The following RIPOR3 variants were observed in gnomAD, a reference collection of about 807,000 sequenced individuals.
RIPOR3 encodes the protein family with sequence similarity 65 member C.
A neutral mutation model predicts 114.3 loss-of-function variants in RIPOR3; 95 were observed. The ratio of observed to expected loss-of-function variants is 0.83; its 90% CI spans 0.70 to 0.99. The LOEUF (loss-of-function observed/expected upper bound fraction) is 0.99. Ranked by LOEUF, RIPOR3 falls within the 50% of genes least tolerant of loss-of-function variation. The probability of loss-of-function intolerance (pLI) is 0.00; values close to 1 mark genes in which losing one functional copy is unlikely to be tolerated. For synonymous variants in RIPOR3, 575 were observed against 543.8 expected, an observed-to-expected ratio of 1.06 and a Z score of -0.80; for missense variants, 1,252 against 1,266.9, an observed-to-expected ratio of 0.99 and a Z score of 0.18.
chr20:50,662,822 C>T (rs1476874218), intron 1 of RIPOR3, among the ~76,000 whole-genome samples: 1 of 152,240 alleles, frequency 6.6e-6, no homozygotes, highest in African/African-American at 2.4e-5. Context: ...AGGACGGACA[C>T]AGTGGCTCAC....
intron 1 of RIPOR3, among the ~76,000 whole-genome samples, chr20:50,672,262 C>A (rs6063544): frequency 0.82 from 124,833 of 152,072 alleles, 51,993 homozygotes; most frequent in East Asian, 0.96. Flanking sequence ...ACCCGCAGCC[C>A]GTTCCTCCTG....
At chr20:50,605,659 T>C (rs936633642) in intron 11 of RIPOR3, among the ~76,000 whole-genome samples, 10 of 151,592 alleles carry the variant, frequency 6.6e-5, no homozygotes, top group Non-Finnish European at 1.3e-4. Flanking sequence ...ACACTTGTAG[T>C]CCCAGCTACT....
At chr20:50,604,622 C>T in intron 12 of RIPOR3, 23 bp downstream of exon 12, 1 of 1,597,276 alleles carries the variant, frequency 6.3e-7, no homozygotes. Context: ...CACAGCGGCC[C>T]TGCCCCGGGA....
chr20:50,614,282 C>T (rs992966980), intron 4 of RIPOR3, among the ~76,000 whole-genome samples: 2 of 152,286 alleles, frequency 1.3e-5, no homozygotes, highest in Middle Eastern at 6.8e-3. Flanking sequence ...GTGATCCACC[C>T]GCCTTGGCCT....
chr20:50,616,453 A>G (rs2084176059), intron 3 of RIPOR3, among the ~76,000 whole-genome samples: 1 of 152,004 alleles, frequency 6.6e-6, no homozygotes, highest in African/African-American at 2.4e-5. Context: ...AATGATTCTT[A>G]TATCTCAGCC....
chr20:50,668,718 G>A (rs187991580), intron 1 of RIPOR3, among the ~76,000 whole-genome samples: 34 of 152,262 alleles, frequency 2.2e-4, no homozygotes, highest in African/African-American at 7.7e-4. Flanking sequence ...TTAGCTGGGC[G>A]TGGTGGCGGG....
Position 50,592,563 on chromosome 20 carries a change from A to G in RIPOR3, c.2375-17T>C, listed in dbSNP as rs1191463428. The G allele has an allele frequency of 5.4e-6, 8 of 1,482,350 alleles. No homozygotes were observed. The highest frequency in any genetic ancestry group is 7.2e-6 in the Non-Finnish European group (8 of 1,115,734). The allele number at this position is 1,482,350 out of a possible 1,614,324, so 91.8% of individuals were successfully genotyped here. A position where few individuals can be genotyped will look rare whatever the true frequency, so the allele number is the denominator to read the frequency against. On this transcript the variant is annotated splice_polypyrimidine_tract_variant and intron_variant, in intron 18 of 21. Coordinates refer to ENST00000327979, the MANE Select transcript of RIPOR3 (RefSeq NM_001290268.2). Reference sequence around the variant, plus strand: ...TGAGTGTCACTAGAAGACAGGAAAGAGGTGGGCCCAGGTCCCCTGAATGGG... The same window carrying G: ...TGAGTGTCACTAGAAGACAGGAAAGGGGTGGGCCCAGGTCCCCTGAATGGG...
chr20:50,608,451 C>A lies in RIPOR3; in HGVS notation c.894G>T (p.Gln298His). ...ACTCCGTGATGTCCACCACGATGAC[C>A]TGCGGCCGCGTCGTGAAGAAGTCGG... is the stretch of plus-strand genomic sequence containing the variant. ...DIADFFTTRP[Q>H]VIVVDITELG... Residue 298 changes from glutamine (Q) to histidine (H), a missense_variant, in exon 11 of 22, where the codon CAG becomes CAT. Gln to His is a conservative substitution (Grantham distance 24, BLOSUM62 0). Coordinates refer to ENST00000327979, the MANE Select transcript of RIPOR3 (RefSeq NM_001290268.2). 1.2e-6 allele frequency: 2 copies of A among 1,614,026 alleles called. No individual in the cohort carries two copies. Among genetic ancestry groups the A allele is most frequent in the Non-Finnish European group, 1.7e-6 (2 of 1,179,958 alleles).
chr20:50,590,192 C>T (rs905171775), intron 19 of RIPOR3, among the ~76,000 whole-genome samples: 1 of 152,244 alleles, frequency 6.6e-6, no homozygotes, highest in Non-Finnish European at 1.5e-5. Flanking sequence ...CTATTCCCCT[C>T]AGCCCTCCTG....
chr20:50,620,212 T>C (rs1171935949), intron 2 of RIPOR3, 80 bp from the exon 3 acceptor site: 1 of 1,549,626 alleles, frequency 6.5e-7, no homozygotes, highest in Non-Finnish European at 8.7e-7. Flanking sequence ...ACTTTGGAAA[T>C]AGTGACCAGA....
chr20:50,592,930 T>TG, intron 18 of RIPOR3, 105 bp downstream of exon 18: 1 of 1,396,996 alleles, frequency 7.2e-7, no homozygotes, highest in Non-Finnish European at 9.8e-7. Flanking sequence ...AAAGAACAGT[T>TG]GGCGGGGATG....
rs1305038602 is a variant in RIPOR3, at chr20:50,608,877, G to C, written c.684+35C>G. 8 of 1,600,022 alleles carry C rather than the reference G, an allele frequency of 5.0e-6. No individual in the cohort carries two copies. The Admixed American group carries it at 1.2e-4, about 25-fold the overall frequency. ...TCCCGTCCCCCAAAGACCTGGCGGGGAGCCCTGAGGATTGACCCCAGAGAG... is the reference window on the plus strand; with the variant it reads ...TCCCGTCCCCCAAAGACCTGGCGGGCAGCCCTGAGGATTGACCCCAGAGAG... On this transcript the variant is annotated intron_variant, in intron 9 of 21. Coordinates refer to ENST00000327979, the MANE Select transcript of RIPOR3 (RefSeq NM_001290268.2).
intron 1 of RIPOR3, among the ~76,000 whole-genome samples, chr20:50,643,538 A>G (rs1343294666): frequency 6.6e-6 from 1 of 150,640 alleles, no homozygotes; most frequent in Non-Finnish European, 1.5e-5. Flanking sequence ...ACAAGAAGTG[A>G]AAAAAAAAGT....
chr20:50,647,734 G>A (rs1178806673), intron 1 of RIPOR3, among the ~76,000 whole-genome samples: 2 of 151,074 alleles, frequency 1.3e-5, no homozygotes, highest in South Asian at 2.1e-4. Context: ...CACCCGCCTC[G>A]GCCTCCCAAA....
At chr20:50,610,087 T>G (rs111631162) in intron 6 of RIPOR3, among the ~76,000 whole-genome samples, 5 of 87,296 alleles carry the variant, frequency 5.7e-5, no homozygotes, top group Admixed American at 2.6e-4. Context: ...CTGCCACCCC[T>G]GCCTCACCTG....
chr20:50,617,679 G>A (rs959932010), intron 3 of RIPOR3, among the ~76,000 whole-genome samples: 2 of 138,822 alleles, frequency 1.4e-5, no homozygotes, highest in East Asian at 2.3e-4. Flanking sequence ...AGGCTGGAGT[G>A]CAATAACGCG....
chr20:50,626,098 G>A (rs2084610520), intron 2 of RIPOR3, among the ~76,000 whole-genome samples: 1 of 152,214 alleles, frequency 6.6e-6, no homozygotes, highest in African/African-American at 2.4e-5. Context: ...CGGCCTGCTC[G>A]GGTTACCAGG....
intron 1 of RIPOR3, chr20:50,653,104 A>G (rs2085675961): frequency 6.6e-6 from 1 of 152,230 alleles, no homozygotes; most frequent in Non-Finnish European, 1.5e-5. Flanking sequence ...GGACAGCCAT[A>G]CAAAGGGACA....
chr20:50,642,753 A>C (rs1326689934), intron 1 of RIPOR3, among the ~76,000 whole-genome samples: 1 of 152,068 alleles, frequency 6.6e-6, no homozygotes, highest in Non-Finnish European at 1.5e-5. Flanking sequence ...TTTAAAAAAA[A>C]AAAATCCATC....
Sources: allele counts gnomAD v4.1 joint callset (sites outside exome capture counted in the v4.1 genomes callset), GRCh38; gene constraint gnomAD v4.1.1; transcripts MANE v1.5; gene names NCBI Gene and HGNC (gene_info 2026-07-23, HGNC 2026-07-21).